The following CCT2 variants were observed in gnomAD, a reference collection of about 807,000 sequenced individuals.
The protein encoded by CCT2 is T-complex protein 1 subunit beta.
In CCT2, 18 loss-of-function variants were observed where a neutral mutation model predicts 61.8. The ratio of observed to expected loss-of-function variants is 0.29; its 90% confidence interval spans 0.20 to 0.43. CCT2 has a LOEUF of 0.43. Ranked by LOEUF, CCT2 falls within the 20% of genes least tolerant of loss-of-function variation. CCT2 has a pLI of 1.00. For synonymous variants in CCT2, 248 were observed against 215.9 expected (o/e 1.15, Z -1.30); for missense variants, 556 against 656.9 (o/e 0.85, Z 1.68).
chr12:69,588,093 TGAG>T (rs1565798107), intron 5 of CCT2, 54 bp from the exon 6 acceptor site: 5 of 1,510,770 alleles, frequency 3.3e-6, no homozygotes, highest in South Asian at 2.3e-5. Flanking sequence ...TCTTTACTAT[TGAG>T]GAGTGCTTAA....
intron 1 of CCT2, 105 bp downstream of exon 1, chr12:69,585,629 CCCCGGCCCTCCGCACAT>C: frequency 6.5e-7 from 1 of 1,545,792 alleles, no homozygotes; most frequent in Admixed American, 2.0e-5. Flanking sequence ...GTTTCTGTCT[CCCCGGCCCTCCGCACAT>C]GGTGCGAGCC....
intron 7 of CCT2, among the ~76,000 whole-genome samples, chr12:69,590,978 C>A (rs906556990): frequency 3.3e-5 from 5 of 151,662 alleles, no homozygotes; most frequent in African/African-American, 1.2e-4. Flanking sequence ...CTCAGCCTCC[C>A]AAAGTACTGG....
Position 69,587,610 on chromosome 12 carries a change from T to C in CCT2, c.250T>C (p.Leu84=), listed in dbSNP as rs1342647104. The C allele has an allele frequency of 6.3e-7, 1 of 1,589,516 alleles. No homozygotes were observed. Among genetic ancestry groups the C allele is most frequent in the Non-Finnish European group, 8.6e-7 (1 of 1,157,658 alleles). Reference sequence around the variant, plus strand: ...TGTTGACAATCCAGCAGCTAAAGTTTTAGTTGGTAAGTCTGAATATACTTT... The same window carrying C: ...TGTTGACAATCCAGCAGCTAAAGTTCTAGTTGGTAAGTCTGAATATACTTT... ...IGVDNPAAKV[L]VDMSRVQDDE... Residue 84 remains leucine, a synonymous_variant, in exon 4 of 16, where the codon TTA becomes CTA. Coordinates refer to ENST00000299300, the MANE Select transcript of CCT2 (RefSeq NM_006431.3).
chr12:69,585,733 G>T, intron 1 of CCT2: 1 of 1,456,298 alleles, frequency 6.9e-7, no homozygotes, highest in Non-Finnish European at 9.0e-7. Flanking sequence ...CGCAAAGCCA[G>T]CGTCTCCTTG....
intron 10 of CCT2, 127 bp downstream of exon 10, chr12:69,593,740 G>T: frequency 1.7e-6 from 1 of 574,220 alleles, no homozygotes; most frequent in Non-Finnish European, 3.1e-6. Flanking sequence ...CTATTCTCTT[G>T]GATACCTTTA....
Position 69,593,062 on chromosome 12 carries a change from T to C in CCT2, c.837T>C (p.Val279=), listed in dbSNP as rs1451827190. Residue 279 remains valine, a synonymous_variant, in exon 9 of 16, where the codon GTT becomes GTC. Transcript: ENST00000299300. ...AAAAGGAAAAAATGAAGGAGAAAGTTGAACGTATTCTTAAGCATGGAATAA... is the reference window on the plus strand; with the variant it reads ...AAAAGGAAAAAATGAAGGAGAAAGTCGAACGTATTCTTAAGCATGGAATAA... ...HAEKEKMKEK[V]ERILKHGINC... is the part of the protein sequence containing the mutation. 1 of 1,613,514 alleles carries C rather than the reference T, an allele frequency of 6.2e-7. No homozygotes were observed. The highest frequency in any genetic ancestry group is 1.3e-5 in the African/African-American group (1 of 75,042).
intron 8 of CCT2, 180 bp from the exon 9 acceptor site, chr12:69,592,796 C>T (rs574634858): frequency 5.5e-5 from 25 of 457,116 alleles, no homozygotes; most frequent in African/African-American, 2.3e-4. Flanking sequence ...GGTGTGGTGG[C>T]GCACACCTGT....
At chr12:69,589,069 C>T (rs1881756629) in intron 6 of CCT2, 1 of 194,476 alleles carries the variant, frequency 5.1e-6, no homozygotes, top group Admixed American at 5.7e-5. Context: ...GCAGGGACTA[C>T]AGGCATGTGC....
Position 69,592,054 on chromosome 12 carries a change from T to C in CCT2, c.650-5T>C. The C allele has an allele frequency of 6.6e-7, 1 of 1,515,118 alleles. No individual in the cohort carries two copies. The highest frequency in any genetic ancestry group is 9.2e-7 in the Non-Finnish European group (1 of 1,091,800). The allele number at this position is 1,515,118 out of a possible 1,614,324, so 93.9% of individuals were successfully genotyped here. Reference sequence around the variant, plus strand: ...AATATGATACTGTTCTTATATTTATTGTAGGCTTCCTGTTGGATAAAAAAA... The same window carrying C: ...AATATGATACTGTTCTTATATTTATCGTAGGCTTCCTGTTGGATAAAAAAA... On this transcript the variant is annotated splice_polypyrimidine_tract_variant and splice_region_variant and intron_variant, in intron 7 of 15. Coordinates refer to ENST00000299300, the MANE Select transcript of CCT2 (RefSeq NM_006431.3).
At chr12:69,587,132 ACTT>A (rs1386898478) in intron 3 of CCT2, 3 of 324,852 alleles carry the variant, frequency 9.2e-6, no homozygotes, top group Non-Finnish European at 1.7e-5. Context: ...ATTTATCAAT[ACTT>A]TTTTGTAGCT....
At chr12:69,600,744 T>G (rs755320320) in intron 15 of CCT2, among the ~76,000 whole-genome samples, 1 of 152,218 alleles carries the variant, frequency 6.6e-6, no homozygotes, top group Non-Finnish European at 1.5e-5. Flanking sequence ...TTCTTAAGCT[T>G]CTTCAGCTTC....
chr12:69,596,048 A>G (rs1565801649), intron 10 of CCT2, among the ~76,000 whole-genome samples: 1 of 152,224 alleles, frequency 6.6e-6, no homozygotes, highest in East Asian at 1.9e-4. Flanking sequence ...GCTCCAGTCT[A>G]GGCAAGGTAG....
At chr12:69,595,913 A>G (rs1376972962) in intron 10 of CCT2, among the ~76,000 whole-genome samples, 1 of 152,184 alleles carries the variant, frequency 6.6e-6, no homozygotes, top group African/African-American at 2.4e-5. Context: ...GTGTCATTAA[A>G]TAAATGTCTT....
chr12:69,592,208 G>T, intron 8 of CCT2, 49 bp downstream of exon 8: 1 of 1,056,378 alleles, frequency 9.5e-7, no homozygotes, highest in South Asian at 1.4e-5. Context: ...CAGGCAGAGT[G>T]GCTCATGCCT....
intron 10 of CCT2, among the ~76,000 whole-genome samples, chr12:69,595,520 T>A (rs1593099919): frequency 6.6e-6 from 1 of 151,978 alleles, no homozygotes; most frequent in South Asian, 2.1e-4. Context: ...AAACCCTGTC[T>A]CTACTAAAAA....
chr12:69,585,592 C>T, intron 1 of CCT2, 68 bp downstream of exon 1: 1 of 1,553,420 alleles, frequency 6.4e-7, no homozygotes, highest in Non-Finnish European at 8.7e-7. Flanking sequence ...CCACTGCTTC[C>T]TCTGTCCTGC....
At chr12:69,589,127 CAT>C in intron 6 of CCT2, 31 of 221,068 alleles carry the variant, frequency 1.4e-4, no homozygotes, top group South Asian at 3.3e-4. Flanking sequence ...GGGGTTTCAC[CAT>C]GTTGCTCAGG....
chr12:69,598,057 A>G lies in CCT2; in HGVS notation c.1321A>G (p.Lys441Glu), dbSNP rs768592950. Residue 441 changes from lysine (K) to glutamate (E), a missense_variant, in exon 13 of 16, where the codon AAA becomes GAA. This residue lies in a region of CCT2 where 225 missense variants were observed against 249.8 expected (regional missense o/e 0.90). Transcript: ENST00000299300. ...AGCTGTTGCAATGGAGTCTTATGCT[A>G]AAGCACTGAGAATGGTAAGTTAATC... ...KEAVAMESYA[K>E]ALRMLPTIIA... The G allele has an allele frequency of 6.2e-7, 1 of 1,610,562 alleles. No individual in the cohort carries two copies. The highest frequency in any genetic ancestry group is 8.5e-7 in the Non-Finnish European group (1 of 1,176,918).
rs764716093 is a variant in CCT2 at position 69,592,194 on chromosome 12, T to C, written c.750+35T>C. 5 of 1,255,154 alleles carry C rather than the reference T, an allele frequency of 4.0e-6. No individual in the cohort carries two copies. The Admixed American group carries it at 5.3e-5, about 13-fold the overall frequency. The allele number at this position is 1,255,154 out of a possible 1,614,324, so 77.8% of individuals were successfully genotyped here. ...TCTACTTTTTAAAAATTAAAATTAC[T>C]GCCCAGGCAGAGTGGCTCATGCCTG... On this transcript the variant is annotated intron_variant, in intron 8 of 15. Coordinates refer to ENST00000299300, the MANE Select transcript of CCT2 (RefSeq NM_006431.3).
Sources: allele counts gnomAD v4.1 joint callset (sites outside exome capture counted in the v4.1 genomes callset), GRCh38; gene constraint gnomAD v4.1.1; regional missense constraint gnomAD v4.1.1; transcripts MANE v1.5; gene names NCBI Gene and HGNC (gene_info 2026-07-23, HGNC 2026-07-21).